TCF12: variants seen among roughly 807,000 people sequenced by gnomAD.
TCF12 encodes transcription factor 12.
A neutral mutation model predicts 86.0 loss-of-function variants in TCF12; 45 were observed. The ratio of observed to expected loss-of-function variants is 0.52; its 90% CI spans 0.41 to 0.67. TCF12 has a LOEUF of 0.67. Among genes scored for constraint, TCF12 ranks in the 30% least tolerant of loss-of-function variants. TCF12 has a pLI of 0.00. For missense variants in TCF12, 881 were observed against 859.9 expected, an observed-to-expected ratio of 1.02 and a Z score of -0.31; for synonymous variants, 330 against 299.6, an observed-to-expected ratio of 1.10 and a Z score of -1.05.
At chr15:57,180,482 C>A (rs1174823595) in intron 6 of TCF12, among the ~76,000 whole-genome samples, 1 of 152,102 alleles carries the variant, frequency 6.6e-6, no homozygotes, top group East Asian at 1.9e-4. Context: ...GAAATCATAA[C>A]AGTTTATGTA....
intron 6 of TCF12, among the ~76,000 whole-genome samples, chr15:57,180,337 C>G (rs942651164): frequency 2.0e-5 from 3 of 148,384 alleles, no homozygotes; most frequent in Non-Finnish European, 2.9e-5. Flanking sequence ...ACAGCTAAAA[C>G]ACAATGATTT....
chr15:57,199,571 GA>G (rs1452899081), intron 8 of TCF12, among the ~76,000 whole-genome samples: 1 of 152,140 alleles, frequency 6.6e-6, no homozygotes, highest in Non-Finnish European at 1.5e-5. Context: ...GAACAGTCTG[GA>G]AGGAGAGTAG....
intron 5 of TCF12, among the ~76,000 whole-genome samples, chr15:57,119,860 A>T (rs1305407783): frequency 2.6e-5 from 4 of 152,150 alleles, no homozygotes; most frequent in African/African-American, 9.7e-5. Context: ...ACATTACTAC[A>T]TTGAAAGTTT....
intron 5 of TCF12, among the ~76,000 whole-genome samples, chr15:57,153,704 AG>A (rs1454774395): frequency 6.6e-6 from 1 of 152,198 alleles, no homozygotes; most frequent in African/African-American, 2.4e-5. Flanking sequence ...ATCTACCAAT[AG>A]TGGCTATTAA....
At chr15:57,199,286 T>A (rs2057419815) in intron 8 of TCF12, among the ~76,000 whole-genome samples, 1 of 152,164 alleles carries the variant, frequency 6.6e-6, no homozygotes, top group Non-Finnish European at 1.5e-5. Flanking sequence ...TTCAACAGCA[T>A]AACAGATGAT....
At chr15:57,111,829 G>C (rs2050513671) in intron 5 of TCF12, among the ~76,000 whole-genome samples, 1 of 152,058 alleles carries the variant, frequency 6.6e-6, no homozygotes, top group Admixed American at 6.6e-5. Context: ...CAGAGCTCAA[G>C]CAGTCCACTA....
chr15:57,060,063 C>G (rs1334405330), intron 3 of TCF12, among the ~76,000 whole-genome samples: 3 of 152,186 alleles, frequency 2.0e-5, no homozygotes, highest in Non-Finnish European at 4.4e-5. Flanking sequence ...AGAAGTTTAC[C>G]TGTTCCTCTA....
chr15:57,088,354 T>C (rs2048780762), intron 4 of TCF12, among the ~76,000 whole-genome samples: 3 of 152,210 alleles, frequency 2.0e-5, no homozygotes, highest in African/African-American at 7.2e-5. Context: ...ATGTGGTATT[T>C]CAGAAGAAGT....
intron 8 of TCF12, among the ~76,000 whole-genome samples, chr15:57,218,087 G>A (rs988998782): frequency 8.6e-5 from 13 of 152,004 alleles, no homozygotes; most frequent in Admixed American, 1.3e-4. Context: ...ATTTAGTTTC[G>A]TTACTATAAT....
At chr15:57,277,822 C>T (rs1410337763) in intron 19 of TCF12, among the ~76,000 whole-genome samples, 2 of 151,656 alleles carry the variant, frequency 1.3e-5, no homozygotes, top group African/African-American at 4.8e-5. Flanking sequence ...ACCTGAAGTA[C>T]CAGCTACTTG....
intron 9 of TCF12, 81 bp downstream of exon 9, chr15:57,231,338 A>G: frequency 8.7e-7 from 1 of 1,146,234 alleles, no homozygotes. Flanking sequence ...AGGAAAGAGA[A>G]TACCTATATT....
intron 3 of TCF12, among the ~76,000 whole-genome samples, chr15:56,924,928 G>A (rs1273910264): frequency 2.6e-5 from 4 of 152,188 alleles, no homozygotes; most frequent in Admixed American, 2.6e-4. Flanking sequence ...GTCGGGTGTG[G>A]TGGCTCATGC....
At chr15:57,077,647 G>T (rs1227192224) in intron 4 of TCF12, among the ~76,000 whole-genome samples, 1 of 149,900 alleles carries the variant, frequency 6.7e-6, no homozygotes, top group Admixed American at 6.7e-5. Context: ...GGCCAGGCTG[G>T]TCTCGAACTC....
intron 3 of TCF12, among the ~76,000 whole-genome samples, chr15:56,979,174 C>G (rs1305213488): frequency 6.6e-6 from 1 of 152,086 alleles, no homozygotes; most frequent in Non-Finnish European, 1.5e-5. Flanking sequence ...GATTTACTTT[C>G]TTATGCTTTA....
At chr15:57,137,228 C>T (rs541086300) in intron 5 of TCF12, among the ~76,000 whole-genome samples, 2 of 151,988 alleles carry the variant, frequency 1.3e-5, no homozygotes, top group Non-Finnish European at 2.9e-5. Context: ...ATGATCTGCC[C>T]GCCTCGGCCT....
rs111718638 is a variant in TCF12, at chr15:57,005,043, T to G, written c.149-58707T>G. On this transcript the variant is annotated intron_variant, in intron 3 of 20. Transcript: ENST00000333725. ...TGAGGGAGAGATACCAGCCAAATAT[T>G]ATGATATAAATATCTCTCTACTACT... Among the ~76,000 whole-genome samples the G allele has an allele frequency of 7.9e-5, 12 of 152,326 alleles. 1 individual carries two copies. The highest frequency in any genetic ancestry group is 2.9e-4 in the African/African-American group (12 of 41,576).
rs552742553 is a variant in TCF12 at position 57,120,178 on chromosome 15, A to G, written c.325+28287A>G. 6.6e-5 allele frequency among the ~76,000 whole-genome samples: 10 copies of G among 152,326 alleles called. No homozygotes were observed. The South Asian group carries it at 2.1e-3, about 32-fold the overall frequency. On this transcript the variant is annotated intron_variant, in intron 5 of 20. Coordinates refer to ENST00000333725, the MANE Select transcript of TCF12 (RefSeq NM_207037.2). ...GTTGACTACTCGGATGTACATTGGT[A>G]ATGGAAGCATTTATGACTTTGCCGT...
chr15:57,125,331 A>G (rs1285764656), intron 5 of TCF12, among the ~76,000 whole-genome samples: 1 of 152,230 alleles, frequency 6.6e-6, no homozygotes, highest in African/African-American at 2.4e-5. Flanking sequence ...TATAAGTTCT[A>G]TTGTAGTAGA....
intron 4 of TCF12, among the ~76,000 whole-genome samples, chr15:57,084,779 TTGTATATTATAAA>T (rs1340984267): frequency 6.6e-6 from 1 of 151,942 alleles, no homozygotes; most frequent in Non-Finnish European, 1.5e-5. Flanking sequence ...TGTATATTAA[TTGTATATTATAAA>T]TGTATATTAA....
Sources: gnomAD v4.1 joint callset for allele counts (sites outside exome capture counted in the v4.1 genomes callset) on GRCh38, gnomAD v4.1.1 for gene constraint, MANE v1.5 for transcripts, NCBI Gene and HGNC (gene_info 2026-07-23, HGNC 2026-07-21) for gene names.